The following MEF2C variants were observed in gnomAD, a reference collection of about 807,000 sequenced individuals.
MEF2C encodes the protein myocyte-specific enhancer factor 2C.
MEF2C carries 6 observed loss-of-function variants against 50.5 expected under a neutral mutation model. That is an observed-to-expected ratio of 0.12 (90% confidence interval 0.07 to 0.23). The LOEUF (loss-of-function observed/expected upper bound fraction) is 0.23. Among genes scored for constraint, MEF2C ranks in the 10% least tolerant of loss-of-function variants. MEF2C has a pLI of 1.00. For missense variants in MEF2C, 276 were observed against 605.0 expected, an observed-to-expected ratio of 0.46 and a Z score of 5.70; for synonymous variants, 183 against 228.0, an observed-to-expected ratio of 0.80 and a Z score of 1.78.
At chr5:88,842,413 G>C (rs577564307) in intron 1 of MEF2C, among the ~76,000 whole-genome samples, 1 of 152,038 alleles carries the variant, frequency 6.6e-6, no homozygotes, top group Non-Finnish European at 1.5e-5. Context: ...ACATGTCTGT[G>C]GAATCTGTGA....
intron 1 of MEF2C, among the ~76,000 whole-genome samples, chr5:88,862,720 A>G (rs1313799340): frequency 6.6e-6 from 1 of 152,102 alleles, no homozygotes; most frequent in Non-Finnish European, 1.5e-5. Flanking sequence ...GCAGGGGAGG[A>G]CCCGGATCAG....
intron 3 of MEF2C, among the ~76,000 whole-genome samples, chr5:88,790,409 T>C (rs1051459876): frequency 1.3e-5 from 2 of 152,232 alleles, no homozygotes; most frequent in African/African-American, 4.8e-5. Flanking sequence ...CCCTGCCCTA[T>C]ACCCACTGAG....
chr5:88,865,997 G>A (rs1827230133), intron 1 of MEF2C, among the ~76,000 whole-genome samples: 1 of 151,670 alleles, frequency 6.6e-6, no homozygotes, highest in Non-Finnish European at 1.5e-5. Flanking sequence ...CTGGGTTCAC[G>A]CCATTCTCCT....
intron 1 of MEF2C, among the ~76,000 whole-genome samples, chr5:88,891,393 C>CTTTTTTTTTTTTT (rs771799863): frequency 9.5e-6 from 1 of 104,888 alleles, no homozygotes; most frequent in Non-Finnish European, 1.8e-5. Flanking sequence ...ACCAACCAAC[C>CTTTTTTTTTTTTT]TTTTTTTTTT....
In MEF2C at chr5:88,765,798, G is replaced by A. The variant is rs192130402; in HGVS notation, c.259-4470C>T. 4.0e-3 allele frequency among the ~76,000 whole-genome samples: 608 copies of A among 152,330 alleles called. 4 individuals are homozygous for A. Among genetic ancestry groups the A allele is most frequent in the South Asian group, 0.013 (63 of 4,820 alleles). ...ATTCATGTATGTCAAGATAAGGCAA[G>A]AGATCTCCTAAAACCACCAGCTTCT... is the stretch of plus-strand genomic sequence containing the variant. On this transcript the variant is annotated intron_variant, in intron 3 of 10. Coordinates refer to ENST00000504921, the MANE Select transcript of MEF2C (RefSeq NM_002397.5).
chr5:88,792,518 T>C (rs910669164), intron 3 of MEF2C, among the ~76,000 whole-genome samples: 1 of 152,230 alleles, frequency 6.6e-6, no homozygotes, highest in African/African-American at 2.4e-5. Context: ...TTAATTTTGG[T>C]ATTAATTTGA....
At chr5:88,732,114 A>T (rs1329201549) in intron 6 of MEF2C, among the ~76,000 whole-genome samples, 1 of 152,180 alleles carries the variant, frequency 6.6e-6, no homozygotes, top group East Asian at 1.9e-4. Flanking sequence ...ATGAGAAGAG[A>T]GCCAATATAC....
rs769578827 is a variant in MEF2C, at chr5:88,722,751, G to A, written c.1275C>T (p.Ser425=). 5.0e-6 allele frequency: 8 copies of A among 1,614,024 alleles called. No homozygotes were observed. Among genetic ancestry groups the A allele is most frequent in the Non-Finnish European group, 6.8e-6 (8 of 1,179,904 alleles). Residue 425 remains serine (S), a synonymous_variant, in exon 11 of 11, where the codon AGC becomes AGT. Transcript: ENST00000504921. ...EAGRSPVDSL[S]SCSSSYDGSD... is the part of the protein sequence containing the mutation. The stretch of plus-strand genomic sequence containing the variant: ...TCCCGTCGTACGAACTGCTACAGCT[G>A]CTCAAGCTGTCAACAGGAGATCTCC...
intron 1 of MEF2C, among the ~76,000 whole-genome samples, chr5:88,840,726 C>T (rs1817037058): frequency 6.6e-6 from 1 of 152,110 alleles, no homozygotes; most frequent in Non-Finnish European, 1.5e-5. Context: ...AGACCTCAAG[C>T]ACTCTTTATA....
chr5:88,742,065 AG>A, intron 6 of MEF2C: 1 of 985,410 alleles, frequency 1.0e-6, no homozygotes, highest in Non-Finnish European at 1.2e-6. Context: ...TGATTGGCAA[AG>A]GTTTGTCTAA....
chr5:88,748,593 T>C (rs1440501507), intron 6 of MEF2C, among the ~76,000 whole-genome samples: 1 of 152,244 alleles, frequency 6.6e-6, no homozygotes, highest in Non-Finnish European at 1.5e-5. Context: ...CTCATTTTAA[T>C]GCCAATGTGA....
chr5:88,742,491 T>C (rs1767301421), intron 6 of MEF2C: 2 of 979,150 alleles, frequency 2.0e-6, no homozygotes, highest in Admixed American at 1.2e-4. Flanking sequence ...ATCTTCACAG[T>C]ACTTTACTGT....
At chr5:88,741,371 AAG>A (rs1323284360) in intron 6 of MEF2C, 48 of 985,210 alleles carry the variant, frequency 4.9e-5, no homozygotes, top group Non-Finnish European at 5.7e-5. Flanking sequence ...AATCCGGAAA[AAG>A]AGGAGTTTAA....
At chr5:88,782,208 C>G (rs947009230) in intron 3 of MEF2C, 1 of 965,498 alleles carries the variant, frequency 1.0e-6, no homozygotes, top group Non-Finnish European at 1.2e-6. Context: ...GTGGCTCACT[C>G]CTGTAATCCA....
intron 1 of MEF2C, among the ~76,000 whole-genome samples, chr5:88,890,823 T>TA (rs1235871038): frequency 2.0e-5 from 3 of 152,182 alleles, no homozygotes; most frequent in Non-Finnish European, 4.4e-5. Flanking sequence ...CCCAGACACC[T>TA]AATTTTTTTA....
chr5:88,770,362 CATT>C (rs1392438939), intron 3 of MEF2C, among the ~76,000 whole-genome samples: 1 of 152,132 alleles, frequency 6.6e-6, no homozygotes, highest in Non-Finnish European at 1.5e-5. Flanking sequence ...TAAGTCAAAT[CATT>C]ATTTTTATTT....
chr5:88,834,112 C>A (rs1370463295), intron 1 of MEF2C, among the ~76,000 whole-genome samples: 1 of 152,152 alleles, frequency 6.6e-6, no homozygotes, highest in Non-Finnish European at 1.5e-5. Context: ...GTGTAACACA[C>A]TGTTCGAATA....
intron 1 of MEF2C, among the ~76,000 whole-genome samples, chr5:88,828,653 G>A (rs554558807): frequency 9.4e-4 from 143 of 152,084 alleles, no homozygotes; most frequent in African/African-American, 3.3e-3. Flanking sequence ...ATCTTTTTAA[G>A]TGGAAAACTT....
At chr5:88,773,343 C>G (rs554198901) in intron 3 of MEF2C, among the ~76,000 whole-genome samples, 1 of 152,302 alleles carries the variant, frequency 6.6e-6, no homozygotes, top group South Asian at 2.1e-4. Context: ...TACACTGATT[C>G]TACCCTTAGC....
Sources: allele counts gnomAD v4.1 joint callset (sites outside exome capture counted in the v4.1 genomes callset), GRCh38; gene constraint gnomAD v4.1.1; transcripts MANE v1.5; gene names NCBI Gene and HGNC (gene_info 2026-07-23, HGNC 2026-07-21).